The following HS3ST6 variants were observed in gnomAD, a reference collection of about 807,000 sequenced individuals.
The protein encoded by HS3ST6 is heparan sulfate glucosamine 3-O-sulfotransferase 6.
Under a neutral mutation model 11.0 loss-of-function variants are expected in HS3ST6, and 13 were observed. That is an observed-to-expected ratio of 1.18 (90% CI 0.77 to 1.88). The LOEUF (loss-of-function observed/expected upper bound fraction) is 1.88, where lower values mean the gene tolerates loss of function less well. Among genes scored for constraint, HS3ST6 ranks in the 40% most tolerant of loss-of-function variants. The pLI, the probability that HS3ST6 is intolerant of heterozygous loss-of-function variation, is 0.00. For missense variants in HS3ST6, 541 were observed against 494.4 expected (o/e 1.09, Z -0.89); for synonymous variants, 232 against 230.6 (o/e 1.01, Z -0.06).
At position 1,918,150 on chromosome 16, in the gene HS3ST6, G is replaced by A. The variant is rs1315025596; in HGVS notation, c.174C>T (p.Pro58=). The change falls in exon 1 of 2, where the codon CCC becomes CCT. Residue 58 remains proline, a synonymous_variant. Transcript: ENST00000454677. The surrounding 1 kb of genome is among the most constrained non-coding windows in gnomAD (Gnocchi z 6.0). ...GCTCGGAGGGCGCGGGGGCCGGCGC[G>A]GGGGCGCGGGCGGCCGGCGGGCAGC... is the stretch of plus-strand genomic sequence containing the variant. ...PGRCPPAARA[P]APAPAPSEPS... The A allele has an allele frequency of 8.5e-7, 1 of 1,174,916 alleles. No individual in the cohort carries two copies. The highest frequency in any genetic ancestry group is 1.1e-6 in the Non-Finnish European group (1 of 952,356). The allele number at this position is 1,174,916 out of a possible 1,614,324, so 72.8% of individuals were successfully genotyped here. A position where few individuals can be genotyped will look rare whatever the true frequency, so the allele number is the denominator to read the frequency against.
At position 1,912,323 on chromosome 16, in the gene HS3ST6, G is replaced by C; in HGVS notation, c.414-118C>G. The C allele has an allele frequency of 1.0e-6, 1 of 963,476 alleles. No homozygotes were observed. Among genetic ancestry groups the C allele is most frequent in the Admixed American group, 4.0e-5 (1 of 25,104 alleles). The allele number at this position is 963,476 out of a possible 1,614,324, so 59.7% of individuals were successfully genotyped here. The stretch of plus-strand genomic sequence containing the variant: ...AAGCCCAGGCCTCCAGGGCGAGCAA[G>C]TCTTCCTCCCTGCTCGGGCCCACCC... On this transcript the variant is annotated intron_variant, in intron 1 of 1. Transcript: ENST00000454677. The surrounding 1 kb of genome is among the most constrained non-coding windows in gnomAD (Gnocchi z 5.6).
At chr16:1,916,602 G>GTGGC (rs143399358) in intron 1 of HS3ST6, among the ~76,000 whole-genome samples, 32,698 of 151,810 alleles carry the variant, frequency 0.22, 3,582 homozygotes, top group South Asian at 0.36. Flanking sequence ...AGCTTCCCCT[G>GTGGC]TGGCTCCTCA....
At chr16:1,918,677 T>C (rs2082944469), upstream of HS3ST6, among the ~76,000 whole-genome samples, 2 of 150,926 alleles carry the variant, frequency 1.3e-5, no homozygotes, top group African/African-American at 2.4e-5. The surrounding 1 kb of genome is among the most constrained non-coding windows in gnomAD (Gnocchi z 6.0). Context: ...GCGGCGGCGG[T>C]GGCCGTTCGG....
chr16:1,911,714 C>T lies in HS3ST6; in HGVS notation c.905G>A (p.Gly302Asp). 1 of 1,612,472 alleles carries T rather than the reference C, an allele frequency of 6.2e-7. No homozygotes were observed. Among genetic ancestry groups the T allele is most frequent in the Non-Finnish European group, 8.5e-7 (1 of 1,179,188 alleles). Reference protein sequence around the residue: ...AQGGSRPRCLGKSKGRPHPRV... With the variant: ...AQGGSRPRCLDKSKGRPHPRV... ...TGGGTGTGGCCGGCCCTTGGACTTG[C>T]CCAGGCAGCGGGGACGGCTGCCGCC... is the stretch of plus-strand genomic sequence containing the variant. Residue 302 changes from glycine to aspartate, a missense_variant, in exon 2 of 2, where the codon GGC becomes GAC. Physicochemically the swap from Gly to Asp is moderately conservative, Grantham distance 94. Transcript: ENST00000454677.
chr16:1,915,005 C>T (rs1043355756), intron 1 of HS3ST6, among the ~76,000 whole-genome samples: 2 of 152,168 alleles, frequency 1.3e-5, no homozygotes, highest in African/African-American at 4.8e-5. Context: ...CTGCGGCTTT[C>T]ATCCAGCCCT....
chr16:1,912,435 C>G lies in HS3ST6; in HGVS notation c.414-230G>C, dbSNP rs547980717. Reference sequence around the variant, plus strand: ...CTGCCTGCAGCCCGGCCTGTTCCGCCGGCCTGCCCCGCCTGCTGCTGCACT... The same window carrying G: ...CTGCCTGCAGCCCGGCCTGTTCCGCGGGCCTGCCCCGCCTGCTGCTGCACT... On this transcript the variant is annotated intron_variant, in intron 1 of 1. Coordinates refer to ENST00000454677, the MANE Select transcript of HS3ST6 (RefSeq NM_001009606.4). The surrounding 1 kb of genome is among the most constrained non-coding windows in gnomAD (Gnocchi z 5.6). Among the ~76,000 whole-genome samples, 3 of 152,264 alleles carry G rather than the reference C, an allele frequency of 2.0e-5. No individual in the cohort carries two copies. Among genetic ancestry groups the G allele is most frequent in the Admixed American group, 2.0e-4 (3 of 15,306 alleles).
chr16:1,918,144 C>A lies in HS3ST6; in HGVS notation c.180G>T (p.Pro60=). The A allele has an allele frequency of 8.4e-7, 1 of 1,191,444 alleles. No homozygotes were observed. Among genetic ancestry groups the A allele is most frequent in the Non-Finnish European group, 1.0e-6 (1 of 962,982 alleles). The allele number at this position is 1,191,444 out of a possible 1,614,324, so 73.8% of individuals were successfully genotyped here. The stretch of plus-strand genomic sequence containing the variant: ...TGGACGGCTCGGAGGGCGCGGGGGC[C>A]GGCGCGGGGGCGCGGGCGGCCGGCG... ...RCPPAARAPA[P]APAPSEPSSS... is the part of the protein sequence containing the mutation. Residue 60 remains proline (P), a synonymous_variant, in exon 1 of 2, where the codon CCG becomes CCT. Coordinates refer to ENST00000454677, the MANE Select transcript of HS3ST6 (RefSeq NM_001009606.4). The surrounding 1 kb of genome is among the most constrained non-coding windows in gnomAD (Gnocchi z 6.0).
At chr16:1,916,283 G>A (rs976935782) in intron 1 of HS3ST6, among the ~76,000 whole-genome samples, 1 of 152,038 alleles carries the variant, frequency 6.6e-6, no homozygotes, top group Non-Finnish European at 1.5e-5. Context: ...CCAGATTAAT[G>A]AGGCAGAAGC....
chr16:1,912,160 C>A lies in HS3ST6; in HGVS notation c.459G>T (p.Lys153Asn). ...RTLDGQITME[K>N]TPSYFVTREA... is the part of the protein sequence containing the mutation. ...CTCGCGTCACGAAGTAGCTGGGGGT[C>A]TTCTCCATGGTGATCTGCCCATCCA... The change falls in exon 2 of 2, where the codon AAG becomes AAT. Residue 153 changes from lysine (K) to asparagine (N), a missense_variant. Coordinates refer to ENST00000454677, the MANE Select transcript of HS3ST6 (RefSeq NM_001009606.4). This position sits in a 1 kb window ranked among gnomAD's most constrained non-coding sequence, Gnocchi z 5.6. 6.7e-7 allele frequency: 1 copy of A among 1,485,500 alleles called. No individual in the cohort carries two copies. The highest frequency in any genetic ancestry group is 8.9e-7 in the Non-Finnish European group (1 of 1,119,234). 92.0% of individuals were successfully genotyped at this position (1,485,500 alleles called of 1,614,324 possible). A position where few individuals can be genotyped will look rare whatever the true frequency, so the allele number is the denominator to read the frequency against.
chr16:1,912,476 G>T lies in HS3ST6; in HGVS notation c.414-271C>A, dbSNP rs145142647. Among the ~76,000 whole-genome samples, 235 of 152,204 alleles carry T rather than the reference G, an allele frequency of 1.5e-3. No individual in the cohort carries two copies. Among genetic ancestry groups the T allele is most frequent in the African/African-American group, 5.3e-3 (222 of 41,534 alleles). On this transcript the variant is annotated intron_variant, in intron 1 of 1. Coordinates refer to ENST00000454677, the MANE Select transcript of HS3ST6 (RefSeq NM_001009606.4). The surrounding 1 kb of genome is among the most constrained non-coding windows in gnomAD (Gnocchi z 5.6). ...CTGCTGCACTGAGGATTAGGGTGACGGTCGCTGGTCGGGAGGCCCAAATGC... is the reference window on the plus strand; with the variant it reads ...CTGCTGCACTGAGGATTAGGGTGACTGTCGCTGGTCGGGAGGCCCAAATGC...
upstream of HS3ST6, among the ~76,000 whole-genome samples, chr16:1,920,036 C>CCCACAA (rs1428165095): frequency 1.3e-5 from 2 of 151,740 alleles, no homozygotes; most frequent in African/African-American, 2.4e-5. Flanking sequence ...CTCAGGAGTC[C>CCCACAA]TCACGGTCTC....
chr16:1,912,573 G>A lies in HS3ST6; in HGVS notation c.414-368C>T, dbSNP rs1394947772. Among the ~76,000 whole-genome samples, 2 of 145,408 alleles carry A rather than the reference G, an allele frequency of 1.4e-5. No homozygotes were observed. Among genetic ancestry groups the A allele is most frequent in the Non-Finnish European group, 3.1e-5 (2 of 65,384 alleles). On this transcript the variant is annotated intron_variant, in intron 1 of 1. Transcript: ENST00000454677. This position sits in a 1 kb window ranked among gnomAD's most constrained non-coding sequence, Gnocchi z 5.6. The stretch of plus-strand genomic sequence containing the variant: ...CTTCCAGAGCCAGCTCCCTCCCACC[G>A]GACCCACACTTTCCTGGAACTAGGC...
intron 1 of HS3ST6, among the ~76,000 whole-genome samples, chr16:1,913,101 G>A (rs898066377): frequency 1.3e-5 from 2 of 152,104 alleles, no homozygotes; most frequent in African/African-American, 4.8e-5. Flanking sequence ...CTCTCTCCCC[G>A]TCTTTAACTG....
intron 1 of HS3ST6, among the ~76,000 whole-genome samples, chr16:1,916,355 G>A (rs941180465): frequency 1.3e-5 from 2 of 151,420 alleles, no homozygotes; most frequent in Admixed American, 6.6e-5. Context: ...AAATGAGGAC[G>A]TCAAGAATCT....
intron 1 of HS3ST6, among the ~76,000 whole-genome samples, chr16:1,914,151 C>A (rs895640938): frequency 6.6e-6 from 1 of 152,132 alleles, no homozygotes; most frequent in Non-Finnish European, 1.5e-5. Flanking sequence ...CTCTTCCCAC[C>A]CTGGAGGGCT....
In HS3ST6 at chr16:1,912,301, C is replaced by T; in HGVS notation, c.414-96G>A. 8.8e-7 allele frequency: 1 copy of T among 1,139,688 alleles called. No homozygotes were observed. 70.6% of individuals were successfully genotyped at this position (1,139,688 alleles called of 1,614,324 possible). ...CCAAGGCCCCCTTATGCCCGGGAAGCCCAGGCCTCCAGGGCGAGCAAGTCT... is the reference window on the plus strand; with the variant it reads ...CCAAGGCCCCCTTATGCCCGGGAAGTCCAGGCCTCCAGGGCGAGCAAGTCT... On this transcript the variant is annotated intron_variant, in intron 1 of 1. Coordinates refer to ENST00000454677, the MANE Select transcript of HS3ST6 (RefSeq NM_001009606.4). The surrounding 1 kb of genome is among the most constrained non-coding windows in gnomAD (Gnocchi z 5.6).
In HS3ST6 at chr16:1,911,905, G is replaced by A. The variant is rs1349180811; in HGVS notation, c.714C>T (p.Tyr238=). 6.2e-7 allele frequency: 1 copy of A among 1,603,390 alleles called. No homozygotes were observed. Among genetic ancestry groups the A allele is most frequent in the Non-Finnish European group, 8.5e-7 (1 of 1,173,728 alleles). Residue 238 remains tyrosine (Y), a synonymous_variant, in exon 2 of 2, where the codon TAC becomes TAT. Coordinates refer to ENST00000454677, the MANE Select transcript of HS3ST6 (RefSeq NM_001009606.4). ...YAQHLDHWLR[Y]FPLSHFLFVS... is the part of the protein sequence containing the mutation. ...CGAACAGGAAGTGGGACAGGGGGAA[G>A]TAGCGCAGCCAGTGGTCCAGGTGCT...
Position 1,917,190 on chromosome 16 carries a change from C to T in HS3ST6, c.413+721G>A, listed in dbSNP as rs1050826587. Among the ~76,000 whole-genome samples, 5 of 152,182 alleles carry T rather than the reference C, an allele frequency of 3.3e-5. No homozygotes were observed. The East Asian group carries it at 9.6e-4, about 29-fold the overall frequency. On this transcript the variant is annotated intron_variant, in intron 1 of 1. Coordinates refer to ENST00000454677, the MANE Select transcript of HS3ST6 (RefSeq NM_001009606.4). ...CTGGGTCCTGCCACCCCCACTGACT[C>T]CCCAACTGGCCTTGGGCAGGGTCCT...
chr16:1,919,975 T>G (rs2429187), upstream of HS3ST6, among the ~76,000 whole-genome samples: 59,647 of 151,878 alleles, frequency 0.39, 11,941 homozygotes, highest in South Asian at 0.56. Context: ...GGGTGGGGGC[T>G]GGGGTCCCAC....
Sources: gnomAD v4.1 joint callset for allele counts (sites outside exome capture counted in the v4.1 genomes callset) on GRCh38, gnomAD v4.1.1 for gene constraint, Gnocchi (gnomAD v3.1) non-coding constraint, MANE v1.5 for transcripts, NCBI Gene and HGNC (gene_info 2026-07-23, HGNC 2026-07-21) for gene names.